Variants in EIF2AK2 observed in about 807,000 individuals in gnomAD.
EIF2AK2 encodes the protein eukaryotic translation initiation factor 2 alpha kinase 2, also known as interferon-induced, double-stranded RNA-activated protein kinase.
A neutral mutation model predicts 70.5 loss-of-function variants in EIF2AK2; 40 were observed. The ratio of observed to expected loss-of-function variants is 0.57; its 90% confidence interval spans 0.44 to 0.74. The LOEUF (loss-of-function observed/expected upper bound fraction) is 0.74, where lower values mean the gene tolerates loss of function less well. Among genes scored for constraint, EIF2AK2 ranks in the 30% least tolerant of loss-of-function variants. The pLI, the probability that EIF2AK2 is intolerant of heterozygous loss-of-function variation, is 0.00. For missense variants in EIF2AK2, 555 were observed against 644.3 expected (o/e 0.86, Z 1.50); for synonymous variants, 198 against 220.9 (o/e 0.90, Z 0.92).
At chr2:37,144,979 A>G (rs1276495444) in intron 4 of EIF2AK2, among the ~76,000 whole-genome samples, 1 of 152,050 alleles carries the variant, frequency 6.6e-6, no homozygotes, top group African/African-American at 2.4e-5. Flanking sequence ...CCCAGGCATG[A>G]ACCGCTATGC....
rs1014609811 is a variant in EIF2AK2, at chr2:37,109,563, G to A, written c.1378-268C>T. 8.6e-6 allele frequency: 3 copies of A among 348,228 alleles called. No homozygotes were observed. The Admixed American group carries it at 1.4e-4, about 16-fold the overall frequency. The allele number at this position is 348,228 out of a possible 1,614,324, so 21.6% of individuals were successfully genotyped here. On this transcript the variant is annotated intron_variant, in intron 14 of 16. Transcript: ENST00000233057. ...TATCAACCACAGAGTTTGATTGTGA[G>A]AGTGAGATGCAGCAGGTAAAGCAGT...
intron 3 of EIF2AK2, 23 bp from the exon 4 acceptor site, chr2:37,146,996 T>G (rs766630151): frequency 6.3e-7 from 1 of 1,595,584 alleles, no homozygotes; most frequent in East Asian, 2.2e-5. Context: ...AGAATATTCA[T>G]AAAATATTAT....
At chr2:37,127,405 C>G (rs1440527631) in intron 10 of EIF2AK2, among the ~76,000 whole-genome samples, 3 of 152,212 alleles carry the variant, frequency 2.0e-5, no homozygotes, top group Admixed American at 6.5e-5. Flanking sequence ...CCAACCTTTG[C>G]ATTCCACAAA....
intron 13 of EIF2AK2, among the ~76,000 whole-genome samples, chr2:37,119,669 G>A (rs1461927881): frequency 6.6e-6 from 1 of 151,024 alleles, no homozygotes; most frequent in Admixed American, 6.6e-5. Flanking sequence ...TTGGCTCACT[G>A]CAACCTCCAC....
At chr2:37,136,069 A>G (rs1050861095) in intron 9 of EIF2AK2, among the ~76,000 whole-genome samples, 1 of 152,124 alleles carries the variant, frequency 6.6e-6, no homozygotes, top group African/African-American at 2.4e-5. Context: ...TTCCTCCTCC[A>G]GACTCAAAAC....
chr2:37,146,285 C>T (rs1247165482), intron 4 of EIF2AK2, among the ~76,000 whole-genome samples: 1 of 152,122 alleles, frequency 6.6e-6, no homozygotes, highest in Non-Finnish European at 1.5e-5. Flanking sequence ...GAGGAAATTG[C>T]CCAAAGGTGC....
Position 37,109,213 on chromosome 2 carries a change from G to A in EIF2AK2, c.1460C>T (p.Thr487Ile). The A allele has an allele frequency of 5.6e-6, 9 of 1,614,064 alleles. No homozygotes were observed. Among genetic ancestry groups the A allele is most frequent in the Non-Finnish European group, 7.6e-6 (9 of 1,179,964 alleles). ...TTTTACCTTTGATGTTTCAAAAGCA[G>A]TGTCACATACATGAAGAAGTTCAGC... ...ILAELLHVCD[T>I]AFETSKFFTD... Residue 487 changes from threonine (T) to isoleucine (I), a missense_variant, in exon 15 of 17, where the codon ACT (threonine) becomes ATT (isoleucine). Around this residue, in one of 3 missense-constraint regions of EIF2AK2, gnomAD observed 299 missense variants for 375.4 expected, o/e 0.80. Coordinates refer to ENST00000233057, the MANE Select transcript of EIF2AK2 (RefSeq NM_001135651.3).
rs1037606819 is a variant in EIF2AK2 at position 37,114,916 on chromosome 2, G to A, written c.1249-57C>T. The A allele has an allele frequency of 4.1e-6, 5 of 1,210,504 alleles. No homozygotes were observed. In the African/African-American group the frequency reaches 7.8e-5, roughly 19 times the overall value. The allele number at this position is 1,210,504 out of a possible 1,614,324, so 75.0% of individuals were successfully genotyped here. A position where few individuals can be genotyped will look rare whatever the true frequency, so the allele number is the denominator to read the frequency against. On this transcript the variant is annotated intron_variant, in intron 13 of 16. Coordinates refer to ENST00000233057, the MANE Select transcript of EIF2AK2 (RefSeq NM_001135651.3). Reference sequence around the variant, plus strand: ...CCAACTTAACATACTATTACCACATGTCTTAATTATATACAGAAAAGACTA... The same window carrying A: ...CCAACTTAACATACTATTACCACATATCTTAATTATATACAGAAAAGACTA...
At chr2:37,126,671 A>G (rs768799885) in intron 10 of EIF2AK2, among the ~76,000 whole-genome samples, 41 of 152,076 alleles carry the variant, frequency 2.7e-4, no homozygotes, top group Non-Finnish European at 3.1e-4. Flanking sequence ...AAAAGTCATG[A>G]TAAGTCCAGG....
chr2:37,141,768 C>A, intron 4 of EIF2AK2, 67 bp from the exon 5 acceptor site: 1 of 1,446,690 alleles, frequency 6.9e-7, no homozygotes, highest in South Asian at 1.4e-5. Context: ...AAAAATCATT[C>A]TTCTAATAAA....
chr2:37,148,054 G>A (rs1013175532), intron 2 of EIF2AK2, among the ~76,000 whole-genome samples: 1 of 152,132 alleles, frequency 6.6e-6, no homozygotes, highest in Non-Finnish European at 1.5e-5. Flanking sequence ...ACTTGGCCAG[G>A]TGTGGTGGCT....
intron 3 of EIF2AK2, among the ~76,000 whole-genome samples, chr2:37,147,333 T>C (rs1675582915): frequency 1.3e-5 from 2 of 152,036 alleles, no homozygotes; most frequent in Non-Finnish European, 1.5e-5. Flanking sequence ...ATTATTATTA[T>C]ACTTTAAGTT....
chr2:37,133,650 T>C (rs1675026338), intron 10 of EIF2AK2, among the ~76,000 whole-genome samples: 1 of 152,212 alleles, frequency 6.6e-6, no homozygotes, highest in Non-Finnish European at 1.5e-5. Context: ...GCCTCTCTTG[T>C]GTCTCCACAG....
intron 2 of EIF2AK2, 41 bp from the exon 3 acceptor site, chr2:37,147,863 A>C (rs1484353243): frequency 7.1e-7 from 1 of 1,402,752 alleles, no homozygotes; most frequent in Non-Finnish European, 1.0e-6. Context: ...TGCTCACAGA[A>C]CATATTTAAT....
chr2:37,114,835 T>C lies in EIF2AK2; in HGVS notation c.1273A>G (p.Thr425Ala). 1.3e-6 allele frequency: 2 copies of C among 1,592,576 alleles called. No individual in the cohort carries two copies. Among genetic ancestry groups the C allele is most frequent in the Non-Finnish European group, 1.7e-6 (2 of 1,170,880 alleles). Residue 425 changes from threonine to alanine, a missense_variant, in exon 14 of 17, where the codon ACA becomes GCA. Physicochemically the swap from Thr to Ala is moderately conservative, Grantham distance 58. This residue lies in a region of EIF2AK2 where 299 missense variants were observed against 375.4 expected (regional missense o/e 0.80). Transcript: ENST00000233057. Reference protein sequence around the residue: ...LKPSNIFLVDTKQVKIGDFGL... With the variant: ...LKPSNIFLVDAKQVKIGDFGL... ...AAGTCTCCAATCTTTACTTGTTTTGTATCTACTAAGAATATATTACTTGGC... is the reference window on the plus strand; with the variant it reads ...AAGTCTCCAATCTTTACTTGTTTTGCATCTACTAAGAATATATTACTTGGC...
intron 9 of EIF2AK2, 139 bp downstream of exon 9, chr2:37,136,844 T>C: frequency 1.4e-6 from 1 of 719,666 alleles, no homozygotes; most frequent in South Asian, 2.3e-5. Context: ...TAAAATTATT[T>C]GTTTATAGAT....
intron 6 of EIF2AK2, 97 bp from the exon 7 acceptor site, chr2:37,138,682 T>C: frequency 2.0e-6 from 2 of 1,005,048 alleles, no homozygotes; most frequent in Non-Finnish European, 3.0e-6. Context: ...TTTCAACACA[T>C]TTACCAAATC....
At chr2:37,152,744 CT>C (rs1675790374) in intron 1 of EIF2AK2, among the ~76,000 whole-genome samples, 1 of 152,176 alleles carries the variant, frequency 6.6e-6, no homozygotes, top group African/African-American at 2.4e-5. Flanking sequence ...TTACATATTC[CT>C]TATGAACCGC....
At chr2:37,148,016 C>T (rs1322958578) in intron 2 of EIF2AK2, among the ~76,000 whole-genome samples, 194 bp from the exon 3 acceptor site, 1 of 152,142 alleles carries the variant, frequency 6.6e-6, no homozygotes, top group Non-Finnish European at 1.5e-5. Flanking sequence ...AAGTTAATTT[C>T]TCCAAAATTT....
Sources: allele counts gnomAD v4.1 joint callset (sites outside exome capture counted in the v4.1 genomes callset), GRCh38; gene constraint gnomAD v4.1.1; regional missense constraint gnomAD v4.1.1; transcripts MANE v1.5; gene names NCBI Gene and HGNC (gene_info 2026-07-23, HGNC 2026-07-21).